The following COX4I1 variants were observed in gnomAD, a reference collection of about 807,000 sequenced individuals.
COX4I1 encodes cytochrome c oxidase subunit 4I1.
A neutral mutation model predicts 21.7 loss-of-function variants in COX4I1; 18 were observed. That is an observed-to-expected ratio of 0.83 (90% CI 0.57 to 1.23). COX4I1 has a LOEUF of 1.23. Ranked by LOEUF, COX4I1 falls within the 50% of genes most tolerant of loss-of-function variation. The pLI is 0.00. For synonymous variants in COX4I1, 100 were observed against 81.5 expected (o/e 1.23, Z -1.23); for missense variants, 238 against 220.7 (o/e 1.08, Z -0.50).
intron 2 of COX4I1, among the ~76,000 whole-genome samples, chr16:85,801,828 A>G (rs975926949): frequency 4.6e-5 from 7 of 152,200 alleles, no homozygotes; most frequent in African/African-American, 1.7e-4. Flanking sequence ...TCTGGCGTCT[A>G]TCTACTTTGT....
rs562438109 is a variant in COX4I1 at position 85,802,165 on chromosome 16, AG to A, written c.73+888del. Among the ~76,000 whole-genome samples the A allele has an allele frequency of 5.3e-4, 81 of 152,308 alleles. 1 individual carries two copies. Among genetic ancestry groups the A allele is most frequent in the African/African-American group, 1.7e-3 (70 of 41,568 alleles). ...CCCATCCCCACTTGCTCACTGCCCC[AG>A]CCCCCTGGCCTTACTCCATTCCTCC... is the stretch of plus-strand genomic sequence containing the variant. On this transcript the variant is annotated intron_variant, in intron 2 of 4. Coordinates refer to ENST00000253452, the MANE Select transcript of COX4I1 (RefSeq NM_001861.6).
chr16:85,805,885 G>T, intron 4 of COX4I1, 21 bp downstream of exon 4: 1 of 1,613,724 alleles, frequency 6.2e-7, no homozygotes, highest in Non-Finnish European at 8.5e-7. Context: ...AGGGAGGAAG[G>T]CATGGGCGCC....
At chr16:85,803,512 A>G (rs2733957) in intron 2 of COX4I1, 148,497 of 152,344 alleles carry the variant, frequency 0.97, 72,478 homozygotes, top group Middle Eastern at 1. Flanking sequence ...TCTTGCAGAC[A>G]TAGGACAGAA....
At chr16:85,804,679 A>G in intron 2 of COX4I1, 1 of 359,766 alleles carries the variant, frequency 2.8e-6, no homozygotes. Context: ...TTAATGTAGG[A>G]AGTGCTGCCT....
Position 85,801,198 on chromosome 16 carries a change from C to G in COX4I1, c.-1-7C>G, listed in dbSNP as rs375272236. The G allele has an allele frequency of 1.4e-5, 22 of 1,602,320 alleles. No homozygotes were observed. The highest frequency in any genetic ancestry group is 2.2e-5 in the East Asian group (1 of 44,560). On this transcript the variant is annotated splice_polypyrimidine_tract_variant and splice_region_variant and intron_variant, in intron 1 of 4. Coordinates refer to ENST00000253452, the MANE Select transcript of COX4I1 (RefSeq NM_001861.6). The stretch of plus-strand genomic sequence containing the variant: ...TCATAGAGAAGGTGTACATTTTTAT[C>G]TTTCAGAATGTTGGCTACCAGGGTA...
In COX4I1 at chr16:85,800,094, A is replaced by C. The variant is rs2233444; in HGVS notation, c.-2+342A>C. ...CTGCAGCCTCCGCCCTTGCTCCTTCAAAAGGTCCCTGTGCAACCCCTCCCG... is the reference window on the plus strand; with the variant it reads ...CTGCAGCCTCCGCCCTTGCTCCTTCCAAAGGTCCCTGTGCAACCCCTCCCG... On this transcript the variant is annotated intron_variant, in intron 1 of 4. Transcript: ENST00000253452. 2.6e-3 allele frequency among the ~76,000 whole-genome samples: 390 copies of C among 152,138 alleles called. 1 individual carries two copies. Among genetic ancestry groups the C allele is most frequent in the African/African-American group, 9.1e-3 (377 of 41,458 alleles).
chr16:85,805,998 T>A, intron 4 of COX4I1, 134 bp downstream of exon 4: 3 of 1,294,180 alleles, frequency 2.3e-6, no homozygotes, highest in Non-Finnish European at 3.2e-6. Context: ...CATCTCAGGA[T>A]TGTTTCCAGG....
intron 4 of COX4I1, 95 bp downstream of exon 4, chr16:85,805,959 C>G: frequency 1.3e-6 from 2 of 1,529,560 alleles, no homozygotes; most frequent in Non-Finnish European, 1.8e-6. Flanking sequence ...TACCTTGAGG[C>G]TATGAGATAG....
Position 85,806,885 on chromosome 16 carries a change from C to G in COX4I1, c.*11C>G. ...GAGTGGAAGAAGTGAGAGATGCTGG[C>G]CTGCGCCTGCACCTGCGCCTGGCTC... On this transcript the variant is annotated 3_prime_UTR_variant, in exon 5 of 5. Coordinates refer to ENST00000253452, the MANE Select transcript of COX4I1 (RefSeq NM_001861.6). The G allele has an allele frequency of 6.2e-7, 1 of 1,608,840 alleles. No individual in the cohort carries two copies. Among genetic ancestry groups the G allele is most frequent in the Non-Finnish European group, 8.5e-7 (1 of 1,176,906 alleles).
rs750534183 is a variant in COX4I1 at position 85,801,228 on chromosome 16, G to C, written c.23G>C (p.Ser8Thr). The C allele has an allele frequency of 5.6e-6, 9 of 1,610,030 alleles. No individual in the cohort carries two copies. The highest frequency in any genetic ancestry group is 6.8e-6 in the Non-Finnish European group (8 of 1,176,554). MLATRVF[S>T]LVGKRAISTS... ...AGAATGTTGGCTACCAGGGTATTTA[G>C]CCTAGTTGGCAAGCGAGCAATTTCC... The change falls in exon 2 of 5, where the codon AGC becomes ACC. Residue 8 changes from serine to threonine, a missense_variant. Coordinates refer to ENST00000253452, the MANE Select transcript of COX4I1 (RefSeq NM_001861.6).
intron 2 of COX4I1, among the ~76,000 whole-genome samples, chr16:85,802,217 C>G (rs999529645): frequency 2.6e-5 from 4 of 152,200 alleles, no homozygotes; most frequent in African/African-American, 9.7e-5. Context: ...TGTGGGTGGT[C>G]GCTCCTGTCT....
chr16:85,806,206 C>G (rs1906186334), intron 4 of COX4I1: 1 of 588,570 alleles, frequency 1.7e-6, no homozygotes, highest in Non-Finnish European at 3.0e-6. Flanking sequence ...GATAAGGGGA[C>G]TCATTCATTG....
chr16:85,806,229 G>A (rs145554841), intron 4 of COX4I1: 4 of 591,812 alleles, frequency 6.8e-6, no homozygotes, highest in South Asian at 2.1e-5. Context: ...TGACTGTCTG[G>A]ACTGTTGTGA....
At chr16:85,802,154 C>T (rs1905814655) in intron 2 of COX4I1, among the ~76,000 whole-genome samples, 1 of 152,214 alleles carries the variant, frequency 6.6e-6, no homozygotes, top group Admixed American at 6.5e-5. Context: ...TCCCCACTTG[C>T]TCACTGCCCC....
intron 4 of COX4I1, 140 bp downstream of exon 4, chr16:85,806,004 C>G (rs1194405386): frequency 8.0e-7 from 1 of 1,255,638 alleles, no homozygotes; most frequent in Non-Finnish European, 1.1e-6. Flanking sequence ...AGGATTGTTT[C>G]CAGGCCTTGG....
At position 85,806,999 on chromosome 16, in the gene COX4I1, GA is replaced by G. The variant is rs1906269637; in HGVS notation, c.*128del. 2.0e-6 allele frequency: 2 copies of G among 1,002,094 alleles called. No homozygotes were observed. The highest frequency in any genetic ancestry group is 2.9e-6 in the Non-Finnish European group (2 of 687,158). The allele number at this position is 1,002,094 out of a possible 1,614,324, so 62.1% of individuals were successfully genotyped here. ...CTGCTAATAAATGACCAGTTTACCT[GA>G]AACCCTTTGTGATCAGTTCTTTAAT... On this transcript the variant is annotated 3_prime_UTR_variant, in exon 5 of 5. Transcript: ENST00000253452.
Position 85,805,868 on chromosome 16 carries a change from A to T in COX4I1, c.373+4A>T. 6.2e-7 allele frequency: 1 copy of T among 1,614,076 alleles called. No homozygotes were observed. The highest frequency in any genetic ancestry group is 8.5e-7 in the Non-Finnish European group (1 of 1,179,976). On this transcript the variant is annotated splice_donor_region_variant and intron_variant, in intron 4 of 4. Coordinates refer to ENST00000253452, the MANE Select transcript of COX4I1 (RefSeq NM_001861.6). ...ATCATGTGGCAGAAGCACTATGGTG[A>T]GTAGAGAGGGAGGAAGGCATGGGCG...
chr16:85,806,756 A>G lies in COX4I1; in HGVS notation c.392A>G (p.Gln131Arg), dbSNP rs1465183753. 1.5e-5 allele frequency: 25 copies of G among 1,614,012 alleles called. No homozygotes were observed. The highest frequency in any genetic ancestry group is 2.1e-5 in the Non-Finnish European group (25 of 1,180,026). Residue 131 changes from glutamine (Q) to arginine (R), a missense_variant, in exon 5 of 5, where the codon CAA becomes CGA. Transcript: ENST00000253452. ...QKHYVYGPLP[Q>R]SFDKEWVAKQ... ...ACCGTAGTGTACGGCCCCCTCCCGC[A>G]AAGCTTTGACAAAGAGTGGGTGGCC...
chr16:85,802,744 T>C (rs1337959144), intron 2 of COX4I1, among the ~76,000 whole-genome samples: 4 of 152,190 alleles, frequency 2.6e-5, no homozygotes, highest in African/African-American at 9.7e-5. Flanking sequence ...TTTTTCTCTC[T>C]CTCTAAAAGA....
Sources: gnomAD v4.1 joint callset for allele counts (sites outside exome capture counted in the v4.1 genomes callset) on GRCh38, gnomAD v4.1.1 for gene constraint, MANE v1.5 for transcripts, NCBI Gene and HGNC (gene_info 2026-07-23, HGNC 2026-07-21) for gene names.